PRR11: variants seen among roughly 807,000 people sequenced by gnomAD.
The protein encoded by PRR11 is proline rich 11.
In PRR11, 30 loss-of-function variants were observed where a neutral mutation model predicts 45.6. The ratio of observed to expected loss-of-function variants is 0.66; its 90% CI spans 0.49 to 0.89. The LOEUF is 0.89. Among genes scored for constraint, PRR11 ranks in the 40% least tolerant of loss-of-function variants. PRR11 has a pLI of 0.00. For missense variants in PRR11, 373 were observed against 424.8 expected (o/e 0.88, Z 1.07); for synonymous variants, 128 against 153.5 (o/e 0.83, Z 1.23).
At chr17:59,162,750 CAG>C (rs773092972) in intron 1 of PRR11, among the ~76,000 whole-genome samples, 6 of 110,594 alleles carry the variant, frequency 5.4e-5, no homozygotes, top group Non-Finnish European at 6.8e-5. Context: ...TTTTTTGAGA[CAG>C]AGTTTCACTC....
At chr17:59,161,594 A>G (rs1050313247) in intron 1 of PRR11, among the ~76,000 whole-genome samples, 2 of 151,766 alleles carry the variant, frequency 1.3e-5, no homozygotes, top group Admixed American at 1.3e-4. Context: ...ACTAAAAATA[A>G]AAAAACCAGC....
chr17:59,162,249 C>G (rs7223968), intron 1 of PRR11, among the ~76,000 whole-genome samples: 4,700 of 134,848 alleles, frequency 0.035, 154 homozygotes, highest in African/African-American at 0.11. Flanking sequence ...CACACACACA[C>G]AGAGAGAGAG....
At position 59,185,142 on chromosome 17, in the gene PRR11, A is replaced by G. The variant is rs746689988; in HGVS notation, c.217A>G (p.Ile73Val). ...NFNFPNIRDA[I>V]KLWTNRVWSI... is the part of the protein sequence containing the mutation. ...CAATTTTCCTAACATCAGAGATGCA[A>G]TAAAACTTTGGACAAATAGAGTATG... Residue 73 changes from isoleucine to valine, a missense_variant, in exon 3 of 10, where the codon ATA becomes GTA. Ile to Val is a conservative substitution (Grantham distance 29, BLOSUM62 3). Transcript: ENST00000262293. 9.3e-6 allele frequency: 15 copies of G among 1,613,982 alleles called. No individual in the cohort carries two copies. The highest frequency in any genetic ancestry group is 1.2e-5 in the Non-Finnish European group (14 of 1,179,976).
chr17:59,157,738 A>G (rs1217096899), intron 1 of PRR11, among the ~76,000 whole-genome samples: 2 of 151,950 alleles, frequency 1.3e-5, no homozygotes, highest in Non-Finnish European at 2.9e-5. Context: ...AAGGACAAAG[A>G]CTATGTTGGT....
chr17:59,173,687 C>A (rs1483909179), intron 2 of PRR11, among the ~76,000 whole-genome samples: 1 of 152,178 alleles, frequency 6.6e-6, no homozygotes, highest in Non-Finnish European at 1.5e-5. Context: ...CGAGGGTTGG[C>A]AGCTTCATTT....
Position 59,195,350 on chromosome 17 carries a change from C to G in PRR11, c.764C>G (p.Ala255Gly). 6.2e-7 allele frequency: 1 copy of G among 1,613,298 alleles called. No homozygotes were observed. Among genetic ancestry groups the G allele is most frequent in the Non-Finnish European group, 8.5e-7 (1 of 1,179,336 alleles). The change falls in exon 7 of 10, where the codon GCA becomes GGA. Residue 255 changes from alanine to glycine, a missense_variant. Physicochemically the swap from Ala to Gly is moderately conservative, Grantham distance 60 (BLOSUM62 0). Coordinates refer to ENST00000262293, the MANE Select transcript of PRR11 (RefSeq NM_018304.4). ...EKRKLIPSPK[A>G]RNPLVTVSDL... is the part of the protein sequence containing the mutation. ...TTAAAGCTTATACCATCGCCGAAAG[C>G]ACGGAATCCACTAGTTACCGTCTCT...
intron 4 of PRR11, among the ~76,000 whole-genome samples, chr17:59,187,604 C>A (rs1404905841): frequency 6.6e-6 from 1 of 151,882 alleles, no homozygotes. Context: ...GTGGCTCACG[C>A]TTGTAATCCC....
At chr17:59,181,846 G>C (rs769199125) in intron 2 of PRR11, 16 of 1,423,714 alleles carry the variant, frequency 1.1e-5, no homozygotes, top group Non-Finnish European at 1.5e-5. Flanking sequence ...ATCCTCCCCA[G>C]CCTTGCAGAC....
intron 7 of PRR11, among the ~76,000 whole-genome samples, chr17:59,196,626 C>G (rs916024785): frequency 6.6e-6 from 1 of 152,052 alleles, no homozygotes; most frequent in Non-Finnish European, 1.5e-5. Flanking sequence ...ACCCACCCCC[C>G]TCGGCCTCCT....
intron 1 of PRR11, among the ~76,000 whole-genome samples, chr17:59,168,464 C>A (rs1383175784): frequency 6.6e-6 from 1 of 152,170 alleles, no homozygotes; most frequent in Admixed American, 6.5e-5. Flanking sequence ...GCCACCACAC[C>A]CAGCCGGTGA....
chr17:59,184,145 C>T (rs1464516311), intron 2 of PRR11, among the ~76,000 whole-genome samples: 4 of 151,944 alleles, frequency 2.6e-5, no homozygotes, highest in Admixed American at 2.6e-4. Flanking sequence ...AGTTGGATGA[C>T]ATTCAGAGAC....
chr17:59,190,770 G>A (rs1374742833), intron 4 of PRR11, among the ~76,000 whole-genome samples: 2 of 152,228 alleles, frequency 1.3e-5, no homozygotes, highest in Non-Finnish European at 2.9e-5. Context: ...ATGGCTGCTG[G>A]CAGCCTTAGA....
chr17:59,161,079 A>T (rs1166487711), intron 1 of PRR11, among the ~76,000 whole-genome samples: 1 of 152,010 alleles, frequency 6.6e-6, no homozygotes, highest in Non-Finnish European at 1.5e-5. Flanking sequence ...TTTTCAGATT[A>T]TTTGAGAAAG....
At chr17:59,165,818 C>CA (rs1284139244) in intron 1 of PRR11, among the ~76,000 whole-genome samples, 1 of 148,732 alleles carries the variant, frequency 6.7e-6, no homozygotes, top group Non-Finnish European at 1.5e-5. Flanking sequence ...ACAAACAAAA[C>CA]AAAAAAATCC....
At chr17:59,181,153 C>A (rs767962564) in intron 2 of PRR11, among the ~76,000 whole-genome samples, 9 of 151,526 alleles carry the variant, frequency 5.9e-5, no homozygotes, top group Non-Finnish European at 1.3e-4. Context: ...CCACGCCCAG[C>A]TAATTTTTTA....
intron 2 of PRR11, chr17:59,181,820 C>T: frequency 6.7e-7 from 1 of 1,484,864 alleles, no homozygotes; most frequent in Non-Finnish European, 9.1e-7. Context: ...CCGACCCCAA[C>T]CCCAAACCAC....
At chr17:59,170,960 C>T (rs1357389510) in intron 2 of PRR11, among the ~76,000 whole-genome samples, 5 of 152,162 alleles carry the variant, frequency 3.3e-5, no homozygotes, top group African/African-American at 1.2e-4. Flanking sequence ...AACCCACATC[C>T]TCTTTAAAGT....
chr17:59,191,796 T>C (rs1568326153), intron 4 of PRR11, among the ~76,000 whole-genome samples: 1 of 152,068 alleles, frequency 6.6e-6, no homozygotes, highest in Non-Finnish European at 1.5e-5. Context: ...GCAAGGCCCC[T>C]ATGTCTCAAC....
At chr17:59,193,417 T>C (rs2046848763) in intron 4 of PRR11, 75 bp from the exon 5 acceptor site, 3 of 1,557,710 alleles carry the variant, frequency 1.9e-6, no homozygotes, top group Non-Finnish European at 2.6e-6. Flanking sequence ...ATGGTAGCTA[T>C]TATTTTGATG....
Sources: allele counts gnomAD v4.1 joint callset (sites outside exome capture counted in the v4.1 genomes callset), GRCh38; gene constraint gnomAD v4.1.1; transcripts MANE v1.5; gene names NCBI Gene and HGNC (gene_info 2026-07-23, HGNC 2026-07-21).